Variants in CCSER2 observed in about 807,000 individuals in gnomAD.
CCSER2 encodes the protein serine-rich coiled-coil domain-containing protein 2.
Under a neutral mutation model 92.3 loss-of-function variants are expected in CCSER2, and 46 were observed. The ratio of observed to expected loss-of-function variants is 0.50; its 90% confidence interval spans 0.39 to 0.64. The LOEUF is 0.64. CCSER2 is among the 30% of genes least tolerant of loss of function. CCSER2 has a pLI of 0.00. For synonymous variants in CCSER2, 433 were observed against 431.4 expected (o/e 1.00, Z -0.04); for missense variants, 1,244 against 1,238.9 (o/e 1.00, Z -0.06).
At chr10:84,427,285 C>T (rs570091617) in intron 5 of CCSER2, among the ~76,000 whole-genome samples, 58 of 152,232 alleles carry the variant, frequency 3.8e-4, no homozygotes, top group African/African-American at 1.3e-3. Context: ...TATTGAAACT[C>T]TCAATCTTTG....
At chr10:84,455,283 C>CTTTTTTTTTTTTTTTTTTTTTTTTTT (rs71013326) in intron 6 of CCSER2, 1 of 99,166 alleles carries the variant, frequency 1.0e-5, no homozygotes, top group Non-Finnish European at 2.1e-5. Flanking sequence ...TTTTCTTTTT[C>CTTTTTTTTTTTTTTTTTTTTTTTTTT]TTTTTTTTTT....
intron 3 of CCSER2, among the ~76,000 whole-genome samples, chr10:84,410,782 T>G (rs955842355): frequency 6.6e-6 from 1 of 152,238 alleles, no homozygotes; most frequent in African/African-American, 2.4e-5. Flanking sequence ...CATTTGTCAA[T>G]TTTTGCTTTT....
At chr10:84,342,529 A>C (rs1844248067) in intron 1 of CCSER2, among the ~76,000 whole-genome samples, 1 of 152,120 alleles carries the variant, frequency 6.6e-6, no homozygotes, top group African/African-American at 2.4e-5. Flanking sequence ...AGGGGGAAAA[A>C]AATGTTACAT....
chr10:84,447,727 T>C (rs764114709), intron 6 of CCSER2, among the ~76,000 whole-genome samples: 2 of 152,168 alleles, frequency 1.3e-5, no homozygotes, highest in Non-Finnish European at 2.9e-5. Context: ...AAGTATGAGG[T>C]AGAGGTCCAC....
At chr10:84,437,229 A>G (rs775215488) in intron 5 of CCSER2, among the ~76,000 whole-genome samples, 1 of 151,984 alleles carries the variant, frequency 6.6e-6, no homozygotes, top group Non-Finnish European at 1.5e-5. Context: ...CATATATTAG[A>G]AGTTCTCGGC....
intron 4 of CCSER2, among the ~76,000 whole-genome samples, chr10:84,425,461 C>T (rs1435252303): frequency 6.6e-6 from 1 of 152,088 alleles, no homozygotes; most frequent in Non-Finnish European, 1.5e-5. Context: ...GTTAATTTGC[C>T]TGTTTTAAAA....
intron 6 of CCSER2, among the ~76,000 whole-genome samples, chr10:84,440,467 T>G (rs1044227609): frequency 6.6e-6 from 1 of 152,168 alleles, no homozygotes; most frequent in African/African-American, 2.4e-5. Context: ...TATATAGTTT[T>G]CAAAAAAATT....
At chr10:84,457,230 A>T (rs1286471425) in intron 6 of CCSER2, among the ~76,000 whole-genome samples, 3 of 92,852 alleles carry the variant, frequency 3.2e-5, no homozygotes, top group African/African-American at 1.2e-4. Context: ...TATTATATAT[A>T]AATATATTAT....
At chr10:84,452,277 T>C (rs1845339130) in intron 6 of CCSER2, 1 of 152,132 alleles carries the variant, frequency 6.6e-6, no homozygotes, top group African/African-American at 2.4e-5. Flanking sequence ...AGATCTCAGT[T>C]TTTGCAAACT....
At chr10:84,472,435 G>A (rs1846868933) in intron 8 of CCSER2, among the ~76,000 whole-genome samples, 1 of 152,070 alleles carries the variant, frequency 6.6e-6, no homozygotes, top group African/African-American at 2.4e-5. Context: ...GCTGGTTGTG[G>A]TGGTTCACGC....
At chr10:84,400,405 A>G (rs1385202451) in intron 3 of CCSER2, among the ~76,000 whole-genome samples, 1 of 152,164 alleles carries the variant, frequency 6.6e-6, no homozygotes, top group Non-Finnish European at 1.5e-5. Flanking sequence ...TCCTGGACTC[A>G]AGCAGTCTGC....
rs765016344 is a variant in CCSER2, at chr10:84,447,418, GA to G, written c.2064+8712del. On this transcript the variant is annotated intron_variant, in intron 6 of 9. Coordinates refer to ENST00000372088, the MANE Select transcript of CCSER2 (RefSeq NM_001284240.2). ...ATATGTTTTGTGTGTATGAGAGCGA[GA>G]TTTTTGTATATTCTAGATGCAAGTA... is the stretch of plus-strand genomic sequence containing the variant. Among the ~76,000 whole-genome samples the G allele has an allele frequency of 3.9e-5, 6 of 152,210 alleles. 1 individual carries two copies. The highest frequency in any genetic ancestry group is 7.2e-5 in the African/African-American group (3 of 41,446).
rs1413786594 is a variant in CCSER2, at chr10:84,516,269, G to T, written c.*2002G>T. 6.6e-6 allele frequency: 1 copy of T among 152,208 alleles called. No individual in the cohort carries two copies. Among genetic ancestry groups the T allele is most frequent in the East Asian group, 1.9e-4 (1 of 5,204 alleles). The allele number at this position is 152,208 out of a possible 1,614,324, so 9.4% of individuals were successfully genotyped here. A position where few individuals can be genotyped will look rare whatever the true frequency, so the allele number is the denominator to read the frequency against. On this transcript the variant is annotated 3_prime_UTR_variant, in exon 10 of 10. Coordinates refer to ENST00000372088, the MANE Select transcript of CCSER2 (RefSeq NM_001284240.2). The stretch of plus-strand genomic sequence containing the variant: ...CTTGGATTTGGTAAGAGGTGAGCAA[G>T]ACAAATCTTGTACCATACTCTTATG...
rs77035365 is a variant in CCSER2, at chr10:84,502,281, A to G, written c.2326-11168A>G. On this transcript the variant is annotated intron_variant, in intron 9 of 9. Transcript: ENST00000372088. ...AATCAATATGTGGGTCCTAGTACTC[A>G]TGTTTGGAGAGGTTGATTGTGCTTA... Among the ~76,000 whole-genome samples, 343 of 151,610 alleles carry G rather than the reference A, an allele frequency of 2.3e-3. 1 individual carries two copies. Among genetic ancestry groups the G allele is most frequent in the African/African-American group, 7.6e-3 (315 of 41,366 alleles).
chr10:84,385,576 C>A (rs988288775), intron 3 of CCSER2, among the ~76,000 whole-genome samples: 1 of 152,030 alleles, frequency 6.6e-6, no homozygotes, highest in African/African-American at 2.4e-5. Flanking sequence ...GAAACTGCAC[C>A]CCTGTCTCTC....
intron 9 of CCSER2, among the ~76,000 whole-genome samples, chr10:84,490,976 C>A (rs1450641158): frequency 1.3e-5 from 2 of 152,202 alleles, no homozygotes; most frequent in Admixed American, 6.5e-5. Context: ...CCCTCAGCTG[C>A]AGGTCTGTTG....
chr10:84,362,741 A>T (rs1028746707), intron 1 of CCSER2, among the ~76,000 whole-genome samples: 3 of 152,164 alleles, frequency 2.0e-5, no homozygotes, highest in African/African-American at 7.2e-5. Flanking sequence ...AACTTTGAAG[A>T]ATCTGGAAGT....
intron 9 of CCSER2, among the ~76,000 whole-genome samples, chr10:84,506,830 T>G (rs1328696038): frequency 9.0e-6 from 1 of 111,340 alleles, no homozygotes; most frequent in East Asian, 2.2e-4. Flanking sequence ...TAAATAAATC[T>G]AACACTTATT....
chr10:84,339,539 GAT>G (rs1844055352), intron 1 of CCSER2, among the ~76,000 whole-genome samples: 1 of 150,128 alleles, frequency 6.7e-6, no homozygotes, highest in Non-Finnish European at 1.5e-5. Flanking sequence ...GCAATGGCGT[GAT>G]CTTGGCTCAC....
Sources: allele counts gnomAD v4.1 joint callset (sites outside exome capture counted in the v4.1 genomes callset), GRCh38; gene constraint gnomAD v4.1.1; transcripts MANE v1.5; gene names NCBI Gene and HGNC (gene_info 2026-07-23, HGNC 2026-07-21).